TAF4B: variants seen among roughly 807,000 people sequenced by gnomAD.
TAF4B encodes the protein transcription initiation factor TFIID subunit 4B.
A neutral mutation model predicts 86.4 loss-of-function variants in TAF4B; 38 were observed. That is an observed-to-expected ratio of 0.44 (90% CI 0.34 to 0.58). TAF4B has a LOEUF of 0.58. Among genes scored for constraint, TAF4B ranks in the 20% least tolerant of loss-of-function variants. The pLI is 0.02. For missense variants in TAF4B, 988 were observed against 1,027.6 expected, an observed-to-expected ratio of 0.96 and a Z score of 0.53; for synonymous variants, 388 against 391.2, an observed-to-expected ratio of 0.99 and a Z score of 0.10.
At chr18:26,325,999 A>G (rs1333550947) in intron 11 of TAF4B, among the ~76,000 whole-genome samples, 6 of 152,226 alleles carry the variant, frequency 3.9e-5, no homozygotes, top group Non-Finnish European at 5.9e-5. Flanking sequence ...AGGGGGATAA[A>G]ACAAAGATGG....
At chr18:26,288,400 C>T (rs1234199439) in intron 7 of TAF4B, among the ~76,000 whole-genome samples, 4 of 152,126 alleles carry the variant, frequency 2.6e-5, no homozygotes, top group Admixed American at 1.3e-4. Context: ...TTTGGGAGGC[C>T]GAGGCGGGCG....
intron 1 of TAF4B, among the ~76,000 whole-genome samples, chr18:26,259,953 C>G (rs2056140670): frequency 6.6e-6 from 1 of 152,118 alleles, no homozygotes; most frequent in Non-Finnish European, 1.5e-5. Context: ...CTGTTGTTTC[C>G]TGACTTTTTA....
intron 12 of TAF4B, among the ~76,000 whole-genome samples, chr18:26,328,193 G>C (rs1446437085): frequency 2.0e-5 from 3 of 152,184 alleles, no homozygotes; most frequent in Non-Finnish European, 4.4e-5. Context: ...GCTCATGCCT[G>C]TAATCCCAGC....
In TAF4B at chr18:26,373,739, T is replaced by C. The variant is rs141333851; in HGVS notation, c.2421+15945T>C. 3.2e-3 allele frequency among the ~76,000 whole-genome samples: 488 copies of C among 152,304 alleles called. 2 individuals are homozygous for C. Among genetic ancestry groups the C allele is most frequent in the African/African-American group, 0.011 (471 of 41,564 alleles). ...CATCCTTTTTTTAGGAGTTGTAATA[T>C]ACTTGTTGAGATGGCATTTGTATTC... On this transcript the variant is annotated intron_variant, in intron 14 of 14. Coordinates refer to ENST00000269142, the MANE Select transcript of TAF4B (RefSeq NM_005640.3).
At chr18:26,262,700 C>CA (rs1441805220) in intron 1 of TAF4B, among the ~76,000 whole-genome samples, 3 of 152,108 alleles carry the variant, frequency 2.0e-5, no homozygotes, top group Non-Finnish European at 4.4e-5. Flanking sequence ...AGGCTTGTCT[C>CA]AAACTCCTGG....
chr18:26,254,293 A>T (rs1041208033), intron 1 of TAF4B, among the ~76,000 whole-genome samples: 2 of 148,838 alleles, frequency 1.3e-5, no homozygotes, highest in East Asian at 1.9e-4. Context: ...AAGGTTTGTC[A>T]GTTTTGTTTA....
intron 6 of TAF4B, among the ~76,000 whole-genome samples, chr18:26,285,222 G>GTTTTTTTTTTTTGTTTTTTTTTTTTT (rs2056501259): frequency 0.1 from 4,720 of 45,450 alleles, 1,228 homozygotes; most frequent in East Asian, 0.24. Flanking sequence ...TTTTTTTTTT[G>GTTTTTTTTTTTTGTTTTTTTTTTTTT]TTTTTTTTTT....
At position 26,385,189 on chromosome 18, in the gene TAF4B, T is replaced by G. The variant is rs138185272; in HGVS notation, c.2422-4656T>G. ...AAGAAGTAGAAAAATCTTTAAAGGT[T>G]TTATTTCACAACACTGCTGTATTAA... is the stretch of plus-strand genomic sequence containing the variant. On this transcript the variant is annotated intron_variant, in intron 14 of 14. Coordinates refer to ENST00000269142, the MANE Select transcript of TAF4B (RefSeq NM_005640.3). 2.1e-3 allele frequency among the ~76,000 whole-genome samples: 322 copies of G among 152,322 alleles called. 1 individual carries two copies. Among genetic ancestry groups the G allele is most frequent in the African/African-American group, 6.2e-3 (259 of 41,568 alleles).
At chr18:26,297,904 T>C (rs541461660) in intron 9 of TAF4B, among the ~76,000 whole-genome samples, 1 of 152,176 alleles carries the variant, frequency 6.6e-6, no homozygotes, top group Non-Finnish European at 1.5e-5. Context: ...TTTAACTCTA[T>C]GGGAAGCCAC....
At chr18:26,283,922 C>T (rs1378644411) in intron 6 of TAF4B, among the ~76,000 whole-genome samples, 1 of 152,050 alleles carries the variant, frequency 6.6e-6, no homozygotes, top group African/African-American at 2.4e-5. Flanking sequence ...GACGTGGTGG[C>T]GCATGCCTAT....
intron 14 of TAF4B, among the ~76,000 whole-genome samples, chr18:26,375,041 C>G (rs12458061): frequency 6.6e-6 from 1 of 152,016 alleles, no homozygotes; most frequent in Non-Finnish European, 1.5e-5. Context: ...TTTTCATTAC[C>G]CTACAAAGAA....
In TAF4B at chr18:26,261,172, ATT is replaced by A. The variant is rs71169839; in HGVS notation, c.344-3972_344-3971del. ...CACATCCTTGAACATGAGCACTGTCATTTTTTTTTTTTTTTTTTTTTTTTTTT... is the reference window on the plus strand; with the variant it reads ...CACATCCTTGAACATGAGCACTGTCATTTTTTTTTTTTTTTTTTTTTTTTT... On this transcript the variant is annotated intron_variant, in intron 1 of 14. Transcript: ENST00000269142. 5.9e-3 allele frequency among the ~76,000 whole-genome samples: 452 copies of A among 77,050 alleles called. 2 individuals carry two copies. Among genetic ancestry groups the A allele is most frequent in the African/African-American group, 0.018 (350 of 19,800 alleles). The allele number at this position is 77,050 out of a possible 152,430, so 50.5% of individuals were successfully genotyped here.
intron 14 of TAF4B, among the ~76,000 whole-genome samples, chr18:26,361,225 A>G (rs78599175): frequency 0.077 from 11,753 of 151,890 alleles, 561 homozygotes; most frequent in Non-Finnish European, 0.1. Flanking sequence ...GCCAGCCCCT[A>G]GTAACCATAA....
chr18:26,287,973 A>T (rs2056545692), intron 7 of TAF4B, among the ~76,000 whole-genome samples: 1 of 152,150 alleles, frequency 6.6e-6, no homozygotes, highest in South Asian at 2.1e-4. Context: ...GCCTTGCAGG[A>T]TTTCTCTTGG....
chr18:26,362,438 T>C (rs974186582), intron 14 of TAF4B, among the ~76,000 whole-genome samples: 1 of 152,190 alleles, frequency 6.6e-6, no homozygotes, highest in Admixed American at 6.5e-5. Flanking sequence ...CTCCTGAGCA[T>C]CAATTCTTAT....
chr18:26,356,053 A>G (rs1414998958), intron 13 of TAF4B, among the ~76,000 whole-genome samples: 2 of 152,178 alleles, frequency 1.3e-5, no homozygotes, highest in South Asian at 2.1e-4. Context: ...ATAATGAAAT[A>G]TCTTAGACTG....
At chr18:26,300,911 A>G (rs1334573590) in intron 9 of TAF4B, among the ~76,000 whole-genome samples, 3 of 148,710 alleles carry the variant, frequency 2.0e-5, no homozygotes, top group Non-Finnish European at 4.5e-5. Flanking sequence ...TTTTTGTATT[A>G]TATATTTGAA....
chr18:26,238,231 T>C (rs2055779442), intron 1 of TAF4B, among the ~76,000 whole-genome samples: 1 of 152,216 alleles, frequency 6.6e-6, no homozygotes, highest in Non-Finnish European at 1.5e-5. Flanking sequence ...CCTGTTGGTA[T>C]TGGGACCTTA....
rs762582838 is a variant in TAF4B at position 26,286,137 on chromosome 18, G to A, written c.1228G>A (p.Val410Met). The A allele has an allele frequency of 1.2e-6, 2 of 1,614,212 alleles. No homozygotes were observed. Among genetic ancestry groups the A allele is most frequent in the Middle Eastern group, 1.6e-4 (1 of 6,062 alleles). The change falls in exon 7 of 15, where the codon GTG (valine) becomes ATG (methionine). Residue 410 changes from valine to methionine, a missense_variant. Transcript: ENST00000269142. The stretch of plus-strand genomic sequence containing the variant: ...TCCAGTGGGAGCAAAAGCTGGAGTT[G>A]TGACACTTCATTCTGTGGGCCCAAC... ...AGPVGAKAGV[V>M]TLHSVGPTAA...
Sources: allele counts gnomAD v4.1 joint callset (sites outside exome capture counted in the v4.1 genomes callset), GRCh38; gene constraint gnomAD v4.1.1; transcripts MANE v1.5; gene names NCBI Gene and HGNC (gene_info 2026-07-23, HGNC 2026-07-21).